Variants in PRKCSH observed in about 807,000 individuals in gnomAD.
The protein encoded by PRKCSH is glucosidase 2 subunit beta.
Under a neutral mutation model 79.7 loss-of-function variants are expected in PRKCSH, and 42 were observed. That is an observed-to-expected ratio of 0.53 (90% CI 0.41 to 0.68). PRKCSH has a LOEUF of 0.68. Ranked by LOEUF, PRKCSH falls within the 30% of genes least tolerant of loss-of-function variation. The probability of loss-of-function intolerance (pLI) is 0.00; values close to 1 mark genes in which losing one functional copy is unlikely to be tolerated. For missense variants in PRKCSH, 686 were observed against 709.0 expected, an observed-to-expected ratio of 0.97 and a Z score of 0.37; for synonymous variants, 325 against 288.2, an observed-to-expected ratio of 1.13 and a Z score of -1.29.
At chr19:11,437,669 G>C (rs1482190048) in intron 3 of PRKCSH, among the ~76,000 whole-genome samples, 1 of 152,226 alleles carries the variant, frequency 6.6e-6, no homozygotes, top group Non-Finnish European at 1.5e-5. Flanking sequence ...CTGTTTTGAA[G>C]GGCCTCAGTG....
At position 11,446,388 on chromosome 19, in the gene PRKCSH, A is replaced by C. The variant is rs202128521; in HGVS notation, c.762+38A>C. The C allele has an allele frequency of 2.0e-4, 324 of 1,597,342 alleles. 2 individuals are homozygous for C. In the African/African-American group the frequency reaches 4.0e-3, roughly 19 times the overall value. On this transcript the variant is annotated intron_variant, in intron 9 of 17. Transcript: ENST00000677123. ...GCCCCTTGGTTGGGGACTTCTAGGGAGCATTGCCCCAGGGTGACCTCAGGG... is the reference window on the plus strand; with the variant it reads ...GCCCCTTGGTTGGGGACTTCTAGGGCGCATTGCCCCAGGGTGACCTCAGGG...
chr19:11,442,171 G>C (rs1280454050), intron 6 of PRKCSH, among the ~76,000 whole-genome samples: 1 of 152,226 alleles, frequency 6.6e-6, no homozygotes, highest in Non-Finnish European at 1.5e-5. Flanking sequence ...GAATCAGGCA[G>C]GGGCCTGATT....
rs749223361 is a variant in PRKCSH, at chr19:11,442,474, CAGAG to C, written c.564_567del (p.Glu189ProfsTer42). Reference sequence around the variant, plus strand: ...ACAGTGAAGGAGGAAGCTGAGAAGCCAGAGAGAGAGGCCAAAGAGCAGCACCAGA... The same window carrying C: ...ACAGTGAAGGAGGAAGCTGAGAAGCCAGAGAGGCCAAAGAGCAGCACCAGA... On this transcript the variant is annotated frameshift_variant, in exon 7 of 18. Coordinates refer to ENST00000677123, the MANE Select transcript of PRKCSH (RefSeq NM_001289104.2). LOFTEE classifies it high-confidence loss of function. 21 of 1,611,940 alleles carry C rather than the reference CAGAG, an allele frequency of 1.3e-5. No homozygotes were observed. Among genetic ancestry groups the C allele is most frequent in the Non-Finnish European group, 1.7e-5 (20 of 1,179,398 alleles).
chr19:11,449,654 T>C lies in PRKCSH; in HGVS notation c.*16+226T>C. ...ACCTCCCGGGTTCAAACAATTGTCT[T>C]GTCTCAGCCTCCCAAGTAGCTGGGA... is the stretch of plus-strand genomic sequence containing the variant. On this transcript the variant is annotated intron_variant, in intron 17 of 17. Coordinates refer to ENST00000677123, the MANE Select transcript of PRKCSH (RefSeq NM_001289104.2). The surrounding 1 kb of genome is among the most constrained non-coding windows in gnomAD (Gnocchi z 6.4). The C allele has an allele frequency of 1.7e-6, 1 of 576,432 alleles. No homozygotes were observed. The highest frequency in any genetic ancestry group is 2.0e-5 in the South Asian group (1 of 50,140). The allele number at this position is 576,432 out of a possible 1,614,324, so 35.7% of individuals were successfully genotyped here. A position where few individuals can be genotyped will look rare whatever the true frequency, so the allele number is the denominator to read the frequency against.
Position 11,448,571 on chromosome 19 carries a change from G to T in PRKCSH, c.1228G>T (p.Gly410Cys). ...NLEQEISFDFGPNGEFAYLYS... is the reference protein window; with the variant it reads ...NLEQEISFDFCPNGEFAYLYS... The stretch of plus-strand genomic sequence containing the variant: ...GGAGCAAGAGATTTCTTTTGACTTT[G>T]GCCCCAACGGGGAGTTTGCTTACCT... Residue 410 changes from glycine (G) to cysteine (C), a missense_variant, in exon 14 of 18, where the codon GGC (glycine) becomes TGC (cysteine). Coordinates refer to ENST00000677123, the MANE Select transcript of PRKCSH (RefSeq NM_001289104.2). The surrounding 1 kb of genome is among the most constrained non-coding windows in gnomAD (Gnocchi z 4.4). 2.5e-6 allele frequency: 4 copies of T among 1,614,230 alleles called. No homozygotes were observed. Among genetic ancestry groups the T allele is most frequent in the Non-Finnish European group, 2.5e-6 (3 of 1,180,042 alleles).
At chr19:11,441,490 TTC>T in intron 6 of PRKCSH, 133 bp downstream of exon 6, 1 of 845,298 alleles carries the variant, frequency 1.2e-6, no homozygotes, top group East Asian at 2.5e-5. Context: ...GAGCTTTGCT[TTC>T]TCAGTTGTGT....
At chr19:11,444,026 C>G (rs1349677724) in intron 7 of PRKCSH, among the ~76,000 whole-genome samples, 1 of 152,170 alleles carries the variant, frequency 6.6e-6, no homozygotes, top group African/African-American at 2.4e-5. Flanking sequence ...CCTGCTTTGG[C>G]CTCCCAACGT....
chr19:11,448,785 A>G lies in PRKCSH; in HGVS notation c.1287-129A>G. ...TGAGGGGGAGCAGAAGCCAGGGGCC[A>G]GGTTTAGGGTTGGTCATTGGAGTTG... On this transcript the variant is annotated intron_variant, in intron 14 of 17. Coordinates refer to ENST00000677123, the MANE Select transcript of PRKCSH (RefSeq NM_001289104.2). The surrounding 1 kb of genome is among the most constrained non-coding windows in gnomAD (Gnocchi z 4.4). The G allele has an allele frequency of 1.5e-6, 2 of 1,360,226 alleles. No individual in the cohort carries two copies. Among genetic ancestry groups the G allele is most frequent in the Non-Finnish European group, 2.1e-6 (2 of 954,304 alleles). The allele number at this position is 1,360,226 out of a possible 1,614,324, so 84.3% of individuals were successfully genotyped here.
In PRKCSH at chr19:11,447,283, C is replaced by A. The variant is rs1970352918; in HGVS notation, c.849+123C>A. Reference sequence around the variant, plus strand: ...CTGGCCAGCTGGGTGGCCCCAGCACCCCCCACCGAGACCCCCCGACCCCAG... The same window carrying A: ...CTGGCCAGCTGGGTGGCCCCAGCACACCCCACCGAGACCCCCCGACCCCAG... On this transcript the variant is annotated intron_variant, in intron 10 of 17. Coordinates refer to ENST00000677123, the MANE Select transcript of PRKCSH (RefSeq NM_001289104.2). The surrounding 1 kb of genome is among the most constrained non-coding windows in gnomAD (Gnocchi z 5.6). 7.3e-7 allele frequency: 1 copy of A among 1,361,912 alleles called. No homozygotes were observed. The highest frequency in any genetic ancestry group is 1.0e-6 in the Non-Finnish European group (1 of 978,540). The allele number at this position is 1,361,912 out of a possible 1,614,324, so 84.4% of individuals were successfully genotyped here.
intron 1 of PRKCSH, 97 bp downstream of exon 1, chr19:11,435,803 C>T (rs2144795633): frequency 1.4e-6 from 2 of 1,416,074 alleles, no homozygotes; most frequent in East Asian, 3.0e-5. Context: ...GCTGTTAATC[C>T]CTTTGGTCTG....
At position 11,441,654 on chromosome 19, in the gene PRKCSH, G is replaced by A. The variant is rs79208676; in HGVS notation, c.468+297G>A. 0.023 allele frequency among the ~76,000 whole-genome samples: 3,490 copies of A among 152,258 alleles called. 124 individuals are homozygous for A. The highest frequency in any genetic ancestry group is 0.079 in the African/African-American group (3,282 of 41,532). On this transcript the variant is annotated intron_variant, in intron 6 of 17. Transcript: ENST00000677123. ...GGGAGGGTTGCTTCTCTGTACCCCG[G>A]ATCTGTGGTGCCATTGCCTGTAAGA... is the stretch of plus-strand genomic sequence containing the variant.
intron 5 of PRKCSH, among the ~76,000 whole-genome samples, chr19:11,438,800 A>G (rs550083154): frequency 7.9e-5 from 12 of 151,742 alleles, no homozygotes; most frequent in Non-Finnish European, 1.8e-4. Flanking sequence ...AAGGAGGCCA[A>G]GTATGAGGCA....
chr19:11,445,049 C>T (rs893109024), intron 7 of PRKCSH, among the ~76,000 whole-genome samples: 15 of 152,148 alleles, frequency 9.9e-5, no homozygotes, highest in Admixed American at 2.6e-4. Flanking sequence ...CTTCTGCCCT[C>T]GCCCCCACCT....
chr19:11,436,640 C>G, intron 3 of PRKCSH, 135 bp downstream of exon 3: 1 of 798,266 alleles, frequency 1.3e-6, no homozygotes, highest in South Asian at 1.5e-5. Flanking sequence ...AGTCAGTGGT[C>G]AGTGTTATGG....
rs747983089 is a variant in PRKCSH at position 11,437,879 on chromosome 19, C to T, written c.200C>T (p.Thr67Met). Residue 67 changes from threonine to methionine, a missense_variant, in exon 4 of 18, where the codon ACG (threonine) becomes ATG (methionine). Physicochemically the swap from Thr to Met is moderately conservative, Grantham distance 81. Transcript: ENST00000677123. Reference sequence around the variant, plus strand: ...TTCCCTCCCTTCTTCCTCACAGGCACGGCTGCCTGTCCTAATGGCAGCTTC... The same window carrying T: ...TTCCCTCCCTTCTTCCTCACAGGCATGGCTGCCTGTCCTAATGGCAGCTTC... ...DCKDGSDEPG[T>M]AACPNGSFHC... 25 of 1,613,778 alleles carry T rather than the reference C, an allele frequency of 1.5e-5. No individual in the cohort carries two copies. Among genetic ancestry groups the T allele is most frequent in the Admixed American group, 1.5e-4 (9 of 59,998 alleles).
chr19:11,438,925 T>G (rs955519582), intron 5 of PRKCSH, among the ~76,000 whole-genome samples: 1 of 151,896 alleles, frequency 6.6e-6, no homozygotes, highest in African/African-American at 2.4e-5. Flanking sequence ...TTATATTTTT[T>G]GAGACAGGGT....
At chr19:11,436,651 C>T (rs140137190) in intron 3 of PRKCSH, 146 bp downstream of exon 3, 3 of 739,674 alleles carry the variant, frequency 4.1e-6, no homozygotes, top group African/African-American at 1.7e-5. Flanking sequence ...AGTGTTATGG[C>T]CCCGGGCAGC....
chr19:11,446,457 C>T, intron 9 of PRKCSH, 107 bp downstream of exon 9: 3 of 1,333,092 alleles, frequency 2.3e-6, no homozygotes, highest in South Asian at 1.3e-5. Context: ...GCCTGGGATG[C>T]CTCCTCTGGG....
Position 11,448,965 on chromosome 19 carries a change from C to T in PRKCSH, c.1338C>T (p.Leu446=), listed in dbSNP as rs540593191. The T allele has an allele frequency of 3.3e-4, 534 of 1,614,178 alleles. 6 individuals carry two copies. The South Asian group carries it at 5.5e-3, about 16-fold the overall frequency. Residue 446 remains leucine, a synonymous_variant, in exon 15 of 18, where the codon CTC becomes CTT. Coordinates refer to ENST00000677123, the MANE Select transcript of PRKCSH (RefSeq NM_001289104.2). The surrounding 1 kb of genome is among the most constrained non-coding windows in gnomAD (Gnocchi z 4.4). ...PFKLVSQKPK[L]GGSPTSLGTW... ...AGCTTGTCTCGCAGAAACCCAAACT[C>T]GGGGGCTCTCCCACCAGCCTTGGGT...
Sources: allele counts gnomAD v4.1 joint callset (sites outside exome capture counted in the v4.1 genomes callset), GRCh38; gene constraint gnomAD v4.1.1; non-coding constraint Gnocchi (gnomAD v3.1); transcripts MANE v1.5; gene names NCBI Gene and HGNC (gene_info 2026-07-23, HGNC 2026-07-21).